The following GLI2 variants were observed in gnomAD, a reference collection of about 807,000 sequenced individuals.
GLI2 encodes transcription activator GLI2.
Under a neutral mutation model 78.9 loss-of-function variants are expected in GLI2, and 22 were observed. The ratio of observed to expected loss-of-function variants is 0.28; its 90% CI spans 0.20 to 0.40. GLI2 has a LOEUF of 0.40. GLI2 is among the 10% of genes least tolerant of loss of function. GLI2 has a pLI of 1.00. For missense variants in GLI2, 2,097 were observed against 2,213.2 expected (o/e 0.95, Z 1.05); for synonymous variants, 974 against 963.7 (o/e 1.01, Z -0.20).
chr2:120,758,208 C>T (rs190565696), intron 1 of GLI2, among the ~76,000 whole-genome samples: 2 of 152,326 alleles, frequency 1.3e-5, no homozygotes, highest in Admixed American at 1.3e-4. Flanking sequence ...CCTCACAGAA[C>T]ATCTGTGTGG....
At chr2:120,896,430 T>G (rs189957216) in intron 2 of GLI2, among the ~76,000 whole-genome samples, 1 of 152,070 alleles carries the variant, frequency 6.6e-6, no homozygotes, top group Non-Finnish European at 1.5e-5. Flanking sequence ...GAGATATGAG[T>G]ATTAGCCAGG....
At chr2:120,926,959 C>T (rs903123316) in intron 2 of GLI2, among the ~76,000 whole-genome samples, 11 of 143,670 alleles carry the variant, frequency 7.7e-5, no homozygotes, top group African/African-American at 2.1e-4. Context: ...CTGCAGCATC[C>T]GGATGCCGTA....
At chr2:120,916,417 C>G (rs565095316) in intron 2 of GLI2, among the ~76,000 whole-genome samples, 4 of 152,256 alleles carry the variant, frequency 2.6e-5, no homozygotes, top group African/African-American at 7.2e-5. Context: ...CATCCTCCCC[C>G]TTCCTTCTGG....
intron 2 of GLI2, among the ~76,000 whole-genome samples, chr2:120,872,488 G>C (rs1688515741): frequency 6.6e-6 from 1 of 152,212 alleles, no homozygotes. Flanking sequence ...AGAGATGAAG[G>C]TCATACTGCA....
chr2:120,861,692 C>T (rs1687912026), intron 2 of GLI2, among the ~76,000 whole-genome samples: 1 of 152,208 alleles, frequency 6.6e-6, no homozygotes, highest in African/African-American at 2.4e-5. Context: ...GAACCGGGGC[C>T]TGCTGAGCTG....
intron 2 of GLI2, among the ~76,000 whole-genome samples, chr2:120,898,031 CTG>C (rs975178234): frequency 3.0e-4 from 45 of 152,196 alleles, no homozygotes; most frequent in African/African-American, 1.0e-3. Context: ...AGTTGATACA[CTG>C]TGATTTTCAG....
intron 2 of GLI2, among the ~76,000 whole-genome samples, chr2:120,914,307 G>A (rs546533810): frequency 1.9e-4 from 29 of 152,346 alleles, no homozygotes; most frequent in Admixed American, 1.6e-3. Context: ...CCTGTGACAG[G>A]TGGAAGGAGC....
chr2:120,740,863 A>G (rs1407388747), intron 1 of GLI2, among the ~76,000 whole-genome samples: 4 of 152,096 alleles, frequency 2.6e-5, no homozygotes, highest in Non-Finnish European at 5.9e-5. Flanking sequence ...GCAGGCAGCT[A>G]GAGGGAGGAG....
At chr2:120,941,053 G>A (rs2104915872) in intron 3 of GLI2, among the ~76,000 whole-genome samples, 1 of 152,302 alleles carries the variant, frequency 6.6e-6, no homozygotes, top group South Asian at 2.1e-4. Context: ...CTGATCCGGG[G>A]GAGTGACGTG....
chr2:120,826,192 GA>G (rs1241522964), intron 2 of GLI2, among the ~76,000 whole-genome samples: 3 of 152,238 alleles, frequency 2.0e-5, no homozygotes, highest in Non-Finnish European at 4.4e-5. Flanking sequence ...GTTCAGCATG[GA>G]GGAGAGAGGG....
chr2:120,819,836 C>T (rs1474099789), intron 2 of GLI2, among the ~76,000 whole-genome samples: 1 of 152,186 alleles, frequency 6.6e-6, no homozygotes, highest in Non-Finnish European at 1.5e-5. Context: ...GTGGTAACGA[C>T]TCCAAGAGAA....
intron 3 of GLI2, among the ~76,000 whole-genome samples, chr2:120,928,760 A>G (rs1679812268): frequency 6.6e-6 from 1 of 152,226 alleles, no homozygotes; most frequent in South Asian, 2.1e-4. Flanking sequence ...AAACTGTTTT[A>G]CTTTTAAATA....
chr2:120,833,532 G>A (rs1686467723), intron 2 of GLI2, among the ~76,000 whole-genome samples: 2 of 152,198 alleles, frequency 1.3e-5, no homozygotes, highest in Admixed American at 1.3e-4. Context: ...AAAGAATCAG[G>A]CTGCCTTTGC....
chr2:120,900,048 A>G (rs747631232), intron 2 of GLI2, among the ~76,000 whole-genome samples: 1 of 152,198 alleles, frequency 6.6e-6, no homozygotes, highest in Non-Finnish European at 1.5e-5. Flanking sequence ...GCCGGGGGCC[A>G]CACTGGGAAC....
chr2:120,910,202 T>C (rs1678746553), intron 2 of GLI2, among the ~76,000 whole-genome samples: 1 of 152,130 alleles, frequency 6.6e-6, no homozygotes, highest in Non-Finnish European at 1.5e-5. Context: ...CAACTTATAA[T>C]GCTAACAAGC....
At chr2:120,736,934 A>C (rs1341164874) in intron 1 of GLI2, among the ~76,000 whole-genome samples, 2 of 143,536 alleles carry the variant, frequency 1.4e-5, no homozygotes, top group East Asian at 4.2e-4. Context: ...GATCCGCTTG[A>C]CTTCCCAAAG....
At chr2:120,983,429 A>G (rs919284869) in intron 11 of GLI2, among the ~76,000 whole-genome samples, 17 of 152,082 alleles carry the variant, frequency 1.1e-4, no homozygotes, top group Non-Finnish European at 2.5e-4. Flanking sequence ...CCTTTCCACC[A>G]CAAGCAGGTG....
At chr2:120,972,180 G>A (rs1254626994) in intron 8 of GLI2, 117 bp downstream of exon 8, 3 of 1,141,978 alleles carry the variant, frequency 2.6e-6, no homozygotes, top group Non-Finnish European at 2.6e-6. Flanking sequence ...ATGGATGAAT[G>A]AGTGACCCAG....
intron 2 of GLI2, among the ~76,000 whole-genome samples, chr2:120,817,268 G>A (rs1685539520): frequency 6.6e-6 from 1 of 152,176 alleles, no homozygotes; most frequent in African/African-American, 2.4e-5. Flanking sequence ...TGGCGAAGTG[G>A]CCTCGGTATG....
Sources: gnomAD v4.1 joint callset for allele counts (sites outside exome capture counted in the v4.1 genomes callset) on GRCh38, gnomAD v4.1.1 for gene constraint, MANE v1.5 for transcripts, NCBI Gene and HGNC (gene_info 2026-07-23, HGNC 2026-07-21) for gene names.